Variants in TLK1 observed in about 807,000 individuals in gnomAD.
TLK1 encodes the protein serine/threonine-protein kinase tousled-like 1.
TLK1 carries 24 observed loss-of-function variants against 105.3 expected under a neutral mutation model. The observed-to-expected ratio is 0.23, with a 90% confidence interval of 0.17 to 0.32. The LOEUF (loss-of-function observed/expected upper bound fraction) is 0.32. Ranked by LOEUF, TLK1 falls within the 10% of genes least tolerant of loss-of-function variation. The probability of loss-of-function intolerance (pLI) is 1.00; values close to 1 mark genes in which losing one functional copy is unlikely to be tolerated. For missense variants in TLK1, 558 were observed against 910.5 expected (o/e 0.61, Z 4.98); for synonymous variants, 321 against 310.4 (o/e 1.03, Z -0.36).
chr2:171,159,414 C>T lies in TLK1; in HGVS notation c.139+876G>A, dbSNP rs140748078. On this transcript the variant is annotated intron_variant, in intron 1 of 20. Transcript: ENST00000431350. ...CAAGTTGAAATTTTAGTCAAAAGCA[C>T]GCCGGTGCCTTACAAGCTGTGTAAC... Among the ~76,000 whole-genome samples, 197 of 152,318 alleles carry T rather than the reference C, an allele frequency of 1.3e-3. 1 individual carries two copies. The highest frequency in any genetic ancestry group is 4.4e-3 in the African/African-American group (183 of 41,556).
intron 1 of TLK1, among the ~76,000 whole-genome samples, chr2:171,146,639 T>C (rs955540506): frequency 4.6e-5 from 7 of 152,140 alleles, no homozygotes; most frequent in African/African-American, 1.4e-4. Flanking sequence ...TTGATAAAAA[T>C]ATTAAGTTCA....
chr2:171,118,847 T>A (rs1248811577), intron 1 of TLK1, among the ~76,000 whole-genome samples: 1 of 152,126 alleles, frequency 6.6e-6, no homozygotes, highest in Non-Finnish European at 1.5e-5. Context: ...CTCCTATAGA[T>A]CTTATCTTTT....
At chr2:171,215,889 T>A (rs1365041187) in intron 1 of TLK1, among the ~76,000 whole-genome samples, 2 of 152,212 alleles carry the variant, frequency 1.3e-5, no homozygotes, top group Non-Finnish European at 2.9e-5. Flanking sequence ...CCCTTTCTAG[T>A]GGGAATTGAT....
intron 2 of TLK1, among the ~76,000 whole-genome samples, chr2:171,116,918 C>G (rs1039326909): frequency 6.6e-6 from 1 of 152,164 alleles, no homozygotes; most frequent in Admixed American, 6.5e-5. Context: ...ACCCTATGAT[C>G]TAGCAATTGT....
intron 1 of TLK1, among the ~76,000 whole-genome samples, chr2:171,212,813 C>T (rs563872997): frequency 1.3e-5 from 2 of 152,176 alleles, no homozygotes; most frequent in Non-Finnish European, 2.9e-5. Context: ...ATTTGAGCTT[C>T]CTATGATTGT....
At chr2:171,084,536 C>T (rs2105479827) in intron 2 of TLK1, among the ~76,000 whole-genome samples, 1 of 152,230 alleles carries the variant, frequency 6.6e-6, no homozygotes, top group East Asian at 1.9e-4. Flanking sequence ...AGAGAAAGCC[C>T]TGTAAGAAAA....
At chr2:171,172,064 A>C (rs1267120102) in intron 1 of TLK1, among the ~76,000 whole-genome samples, 2 of 152,262 alleles carry the variant, frequency 1.3e-5, no homozygotes, top group Non-Finnish European at 2.9e-5. Flanking sequence ...TATTCACATA[A>C]TACAATACTA....
intron 1 of TLK1, among the ~76,000 whole-genome samples, chr2:171,205,560 G>C (rs962035681): frequency 5.3e-5 from 8 of 152,098 alleles, no homozygotes; most frequent in African/African-American, 1.7e-4. Flanking sequence ...CTGGGCTCAA[G>C]CGATCCTCCC....
intron 1 of TLK1, among the ~76,000 whole-genome samples, chr2:171,225,936 G>A (rs1042526885): frequency 5.3e-5 from 8 of 152,048 alleles, no homozygotes; most frequent in Non-Finnish European, 1.0e-4. Context: ...GTTGCTTCTA[G>A]GAACTATCAG....
At chr2:171,046,050 T>A in intron 11 of TLK1, 124 bp downstream of exon 11, 1 of 815,926 alleles carries the variant, frequency 1.2e-6, no homozygotes, top group Non-Finnish European at 1.8e-6. Context: ...TTTTCAATAC[T>A]GCCTTCCTTC....
intron 11 of TLK1, among the ~76,000 whole-genome samples, chr2:171,033,805 T>C (rs1686171934): frequency 2.0e-5 from 3 of 149,470 alleles, no homozygotes; most frequent in Non-Finnish European, 4.4e-5. Flanking sequence ...CATCAAAGGA[T>C]ATTATCAAAA....
intron 2 of TLK1, among the ~76,000 whole-genome samples, chr2:171,116,551 T>C (rs2105528515): frequency 6.6e-6 from 1 of 151,956 alleles, no homozygotes; most frequent in African/African-American, 2.4e-5. Flanking sequence ...AATACAAAAA[T>C]TAGCCAGGCA....
intron 14 of TLK1, among the ~76,000 whole-genome samples, chr2:171,011,076 C>G (rs1575511174): frequency 6.6e-6 from 1 of 152,164 alleles, no homozygotes; most frequent in African/African-American, 2.4e-5. Context: ...GCAATCATAG[C>G]TTATTGCAAC....
intron 1 of TLK1, among the ~76,000 whole-genome samples, chr2:171,182,190 T>A (rs1199971953): frequency 6.6e-6 from 1 of 152,180 alleles, no homozygotes; most frequent in Non-Finnish European, 1.5e-5. Flanking sequence ...GCAATCAGCA[T>A]AATAAAAATT....
chr2:171,172,381 TG>T lies in TLK1; in HGVS notation c.-5-54525del, dbSNP rs1188827834. ...TATATACATTTAGATTTGTACACTT[TG>T]GTACATGTAGTTATACTTCAATAAA... On this transcript the variant is annotated intron_variant, in intron 1 of 20. Transcript: ENST00000521943. Among the ~76,000 whole-genome samples, 9 of 152,172 alleles carry T rather than the reference TG, an allele frequency of 5.9e-5. No individual in the cohort carries two copies. The East Asian group carries it at 1.7e-3, about 29-fold the overall frequency.
intron 1 of TLK1, among the ~76,000 whole-genome samples, chr2:171,229,479 C>T (rs1380226017): frequency 2.6e-5 from 4 of 152,284 alleles, no homozygotes; most frequent in African/African-American, 9.6e-5. Context: ...TTCTAGCTGC[C>T]AGCTTAAACT....
chr2:171,147,460 T>C lies in TLK1; in HGVS notation c.139+12830A>G, dbSNP rs140260684. On this transcript the variant is annotated intron_variant, in intron 1 of 20. Transcript: ENST00000431350. ...TTGTGATCATAGCACAGTACAGCCT[T>C]TCAACTTCTGGGCTCAAATGATCCT... 4.1e-3 allele frequency among the ~76,000 whole-genome samples: 625 copies of C among 152,310 alleles called. 2 individuals are homozygous for C. Among genetic ancestry groups the C allele is most frequent in the African/African-American group, 0.014 (579 of 41,550 alleles).
At chr2:171,013,075 C>T (rs971008104) in intron 13 of TLK1, among the ~76,000 whole-genome samples, 18 of 151,396 alleles carry the variant, frequency 1.2e-4, no homozygotes, top group Non-Finnish European at 2.5e-4. Flanking sequence ...GTTGCCCAGG[C>T]TGGAGTGCAG....
At chr2:171,115,170 C>CTTTTTTTTTTTT (rs373796060) in intron 2 of TLK1, among the ~76,000 whole-genome samples, 13 of 135,764 alleles carry the variant, frequency 9.6e-5, no homozygotes, top group African/African-American at 1.5e-4. Context: ...TTAAGAATTT[C>CTTTTTTTTTTTT]TTTCTTTTTT....
Sources: gnomAD v4.1 joint callset for allele counts (sites outside exome capture counted in the v4.1 genomes callset) on GRCh38, gnomAD v4.1.1 for gene constraint, MANE v1.5 for transcripts, NCBI Gene and HGNC (gene_info 2026-07-23, HGNC 2026-07-21) for gene names.